The following DLL1 variants were observed in gnomAD, a reference collection of about 807,000 sequenced individuals.
DLL1 encodes the protein delta like canonical Notch ligand 1.
DLL1 carries 9 observed loss-of-function variants against 75.1 expected under a neutral mutation model. The observed-to-expected ratio is 0.12, with a 90% CI of 0.07 to 0.21. The LOEUF (loss-of-function observed/expected upper bound fraction) is 0.21. DLL1 is among the 10% of genes least tolerant of loss of function. The pLI is 1.00. For synonymous variants in DLL1, 477 were observed against 418.3 expected, an observed-to-expected ratio of 1.14 and a Z score of -1.71; for missense variants, 837 against 1,007.6, an observed-to-expected ratio of 0.83 and a Z score of 2.29.
rs929514767 is a variant in DLL1 at position 170,290,234 on chromosome 6, G to T, written c.-95C>A. The T allele has an allele frequency of 3.3e-5, 48 of 1,467,422 alleles. No individual in the cohort carries two copies. Among genetic ancestry groups the T allele is most frequent in the Non-Finnish European group, 3.9e-5 (42 of 1,085,470 alleles). 90.9% of individuals were successfully genotyped at this position (1,467,422 alleles called of 1,614,324 possible). A position where few individuals can be genotyped will look rare whatever the true frequency, so the allele number is the denominator to read the frequency against. ...GGGATCGATGGGCCACGGGGAGCGT[G>T]GGCAGAAAAGCGCCCTTGCCTCGCC... On this transcript the variant is annotated 5_prime_UTR_variant, in exon 1 of 11. Coordinates refer to ENST00000366756, the MANE Select transcript of DLL1 (RefSeq NM_005618.4). This position sits in a 1 kb window ranked among gnomAD's most constrained non-coding sequence, Gnocchi z 4.7.
Position 170,284,905 on chromosome 6 carries a change from A to C in DLL1, c.1249+14T>G, listed in dbSNP as rs759244367. 2.9e-4 allele frequency: 466 copies of C among 1,613,026 alleles called. No homozygotes were observed. Among genetic ancestry groups the C allele is most frequent in the Non-Finnish European group, 3.9e-4 (455 of 1,179,734 alleles). ...TCGCCCGAGTCTCTGAGCAATCACCAGCTGCCCCCTTACCATTAGAACAGG... is the reference window on the plus strand; with the variant it reads ...TCGCCCGAGTCTCTGAGCAATCACCCGCTGCCCCCTTACCATTAGAACAGG... On this transcript the variant is annotated intron_variant, in intron 8 of 10. Coordinates refer to ENST00000366756, the MANE Select transcript of DLL1 (RefSeq NM_005618.4).
Position 170,282,857 on chromosome 6 carries a change from G to A in DLL1, c.*17C>T. On this transcript the variant is annotated 3_prime_UTR_variant, in exon 11 of 11. Coordinates refer to ENST00000366756, the MANE Select transcript of DLL1 (RefSeq NM_005618.4). Reference sequence around the variant, plus strand: ...TTATTTTAAGAGAAACGGGAGTCTTGCCATCTCACTTCCATTTTACACCTG... The same window carrying A: ...TTATTTTAAGAGAAACGGGAGTCTTACCATCTCACTTCCATTTTACACCTG... 1.2e-6 allele frequency: 2 copies of A among 1,614,152 alleles called. No individual in the cohort carries two copies. Among genetic ancestry groups the A allele is most frequent in the Non-Finnish European group, 1.7e-6 (2 of 1,180,046 alleles).
At position 170,282,536 on chromosome 6, in the gene DLL1, A is replaced by G; in HGVS notation, c.*338T>C. On this transcript the variant is annotated 3_prime_UTR_variant, in exon 11 of 11. Coordinates refer to ENST00000366756, the MANE Select transcript of DLL1 (RefSeq NM_005618.4). The stretch of plus-strand genomic sequence containing the variant: ...AGGCAGTGTTTGTGTTTCTAATTCA[A>G]GAAAAGACTGGCTCATAAGAATCCA... The G allele has an allele frequency of 2.1e-6, 1 of 470,214 alleles. No individual in the cohort carries two copies. The highest frequency in any genetic ancestry group is 3.8e-5 in the Admixed American group (1 of 26,478). The allele number at this position is 470,214 out of a possible 1,614,324, so 29.1% of individuals were successfully genotyped here.
chr6:170,287,684 A>C (rs1783733011), intron 4 of DLL1, among the ~76,000 whole-genome samples: 1 of 152,186 alleles, frequency 6.6e-6, no homozygotes, highest in Non-Finnish European at 1.5e-5. Flanking sequence ...GGCCTTGGAG[A>C]CCTGGCCTCA....
intron 2 of DLL1, chr6:170,289,035 T>C: frequency 1.6e-6 from 1 of 610,024 alleles, no homozygotes; most frequent in Non-Finnish European, 2.9e-6. Flanking sequence ...GGATATTACG[T>C]TGTTTTTTTA....
chr6:170,289,483 G>C (rs1365954513), intron 2 of DLL1, 29 bp downstream of exon 2: 2 of 1,527,448 alleles, frequency 1.3e-6, no homozygotes, highest in Admixed American at 4.0e-5. Context: ...CTTCAGGGCC[G>C]GCCCGGCGCG....
chr6:170,289,125 C>G (rs1783779198), intron 2 of DLL1: 1 of 578,890 alleles, frequency 1.7e-6, no homozygotes, highest in Non-Finnish European at 3.1e-6. Flanking sequence ...GGGGGATGGG[C>G]ACGCTCCGGG....
At position 170,286,305 on chromosome 6, in the gene DLL1, G is replaced by A; in HGVS notation, c.671-7C>T. 6.2e-7 allele frequency: 1 copy of A among 1,614,182 alleles called. No individual in the cohort carries two copies. Among genetic ancestry groups the A allele is most frequent in the Admixed American group, 1.7e-5 (1 of 60,028 alleles). ...CATCCAGGCAGGCAGATCGCTACAA[G>A]CAAAGGAAAAACAGGGTCAAGCCCC... is the stretch of plus-strand genomic sequence containing the variant. On this transcript the variant is annotated splice_region_variant and splice_polypyrimidine_tract_variant and intron_variant, in intron 4 of 10. Transcript: ENST00000366756.
chr6:170,283,941 G>C lies in DLL1; in HGVS notation c.1338C>G (p.Asp446Glu). ...CGTTGGCGCACGGGGAGGAGGCGCAGTCGTCCACGTTGTCGTCACAGTGCC... is the reference window on the plus strand; with the variant it reads ...CGTTGGCGCACGGGGAGGAGGCGCACTCGTCCACGTTGTCGTCACAGTGCC... ...SGRHCDDNVD[D>E]CASSPCANGG... The change falls in exon 9 of 11, where the codon GAC (aspartate) becomes GAG (glutamate). Residue 446 changes from aspartate (D) to glutamate (E), a missense_variant. Asp to Glu is a conservative substitution (Grantham distance 45). This residue lies in a region of DLL1 where 533 missense variants were observed against 545.7 expected (regional missense o/e 0.98). Coordinates refer to ENST00000366756, the MANE Select transcript of DLL1 (RefSeq NM_005618.4). 3.8e-6 allele frequency: 6 copies of C among 1,594,182 alleles called. No homozygotes were observed. The highest frequency in any genetic ancestry group is 4.3e-6 in the Non-Finnish European group (5 of 1,173,748).
intron 4 of DLL1, among the ~76,000 whole-genome samples, chr6:170,286,503 G>C (rs550083296): frequency 1.3e-5 from 2 of 152,242 alleles, no homozygotes; most frequent in African/African-American, 4.8e-5. Context: ...TCTTAACACA[G>C]GGGCTCAAGG....
chr6:170,282,924 C>G, intron 10 of DLL1, 45 bp from the exon 11 acceptor site: 22 of 1,614,228 alleles, frequency 1.4e-5, no homozygotes, highest in Non-Finnish European at 1.9e-5. Context: ...GAGACCGATT[C>G]CCGTGCTCCA....
At position 170,290,152 on chromosome 6, in the gene DLL1, C is replaced by G; in HGVS notation, c.-13G>C. 1 of 1,593,118 alleles carries G rather than the reference C, an allele frequency of 6.3e-7. No individual in the cohort carries two copies. The highest frequency in any genetic ancestry group is 1.7e-5 in the Admixed American group (1 of 59,542). On this transcript the variant is annotated 5_prime_UTR_variant, in exon 1 of 11. Transcript: ENST00000366756. This position sits in a 1 kb window ranked among gnomAD's most constrained non-coding sequence, Gnocchi z 4.7. ...ACCGACTGCCCATGCTGCTTCGCTC[C>G]ACGCGCGAGCCTGGGGGGCCCCCAC...
Position 170,290,494 on chromosome 6 carries a change from G to A in DLL1, c.-355C>T, listed in dbSNP as rs1783836464. ...GGTTTTGTCTTGAGCTTCTTCGCAG[G>A]AGAGGGAGGGGGAGAAAGAGAAAGA... is the stretch of plus-strand genomic sequence containing the variant. On this transcript the variant is annotated 5_prime_UTR_variant, in exon 1 of 11. Coordinates refer to ENST00000366756, the MANE Select transcript of DLL1 (RefSeq NM_005618.4). The surrounding 1 kb of genome is among the most constrained non-coding windows in gnomAD (Gnocchi z 4.7). 9.9e-6 allele frequency: 3 copies of A among 302,606 alleles called. No individual in the cohort carries two copies. The South Asian group carries it at 2.5e-4, about 25-fold the overall frequency. The allele number at this position is 302,606 out of a possible 1,614,324, so 18.7% of individuals were successfully genotyped here.
intron 4 of DLL1, among the ~76,000 whole-genome samples, chr6:170,287,266 G>C (rs1392118601): frequency 1.3e-5 from 2 of 152,132 alleles, no homozygotes. Flanking sequence ...TCAACCCCAG[G>C]CACTACCCAG....
At chr6:170,286,010 A>G (rs1783687607) in intron 5 of DLL1, among the ~76,000 whole-genome samples, 1 of 152,182 alleles carries the variant, frequency 6.6e-6, no homozygotes, top group African/African-American at 2.4e-5. Flanking sequence ...TTAAACTACT[A>G]TCTGTAAATT....
chr6:170,283,203 C>G, intron 9 of DLL1, 28 bp downstream of exon 9: 3 of 1,613,326 alleles, frequency 1.9e-6, no homozygotes, highest in East Asian at 2.2e-5. Context: ...CAGGTACCCC[C>G]TCCTGATGCC....
chr6:170,283,747 T>C lies in DLL1; in HGVS notation c.1532A>G (p.Tyr511Cys). 6.4e-7 allele frequency: 1 copy of C among 1,567,478 alleles called. No individual in the cohort carries two copies. The highest frequency in any genetic ancestry group is 8.6e-7 in the Non-Finnish European group (1 of 1,156,976). ...HRYVCECARG[Y>C]GGPNCQFLLP... ...CAGGAACTGGCAGTTGGGACCCCCG[T>C]AGCCTCGGGCACACTCGCACACATA... The change falls in exon 9 of 11, where the codon TAC (tyrosine) becomes TGC (cysteine). Residue 511 changes from tyrosine (Y) to cysteine (C), a missense_variant. Around this residue, in one of 2 missense-constraint regions of DLL1, gnomAD observed 533 missense variants for 545.7 expected, o/e 0.98. Transcript: ENST00000366756.
rs1374109432 is a variant in DLL1, at chr6:170,284,023, T to C, written c.1256A>G (p.Lys419Arg). The C allele has an allele frequency of 1.3e-6, 2 of 1,570,184 alleles. No individual in the cohort carries two copies. The highest frequency in any genetic ancestry group is 1.2e-5 in the South Asian group (1 of 86,336). ...CSSSPCSNGA[K>R]CVDLGDAYLC... ...GTAGGCATCACCGAGGTCCACACAC[T>C]TGGCACCTGGAACACAGGGACATGA... Residue 419 changes from lysine (K) to arginine (R), a missense_variant, in exon 9 of 11, where the codon AAG becomes AGG. This residue lies in a region of DLL1 where 533 missense variants were observed against 545.7 expected (regional missense o/e 0.98). Coordinates refer to ENST00000366756, the MANE Select transcript of DLL1 (RefSeq NM_005618.4).
chr6:170,286,501 CAG>C (rs1783696356), intron 4 of DLL1, among the ~76,000 whole-genome samples: 2 of 152,164 alleles, frequency 1.3e-5, no homozygotes, highest in Admixed American at 6.5e-5. Context: ...CTTCTTAACA[CAG>C]GGGCTCAAGG....
Sources: allele counts gnomAD v4.1 joint callset (sites outside exome capture counted in the v4.1 genomes callset), GRCh38; gene constraint gnomAD v4.1.1; regional missense constraint gnomAD v4.1.1; non-coding constraint Gnocchi (gnomAD v3.1); transcripts MANE v1.5; gene names NCBI Gene and HGNC (gene_info 2026-07-23, HGNC 2026-07-21).